FAT3: variants seen among roughly 807,000 people sequenced by gnomAD.
The protein encoded by FAT3 is protocadherin Fat 3.
Under a neutral mutation model 310.2 loss-of-function variants are expected in FAT3, and 95 were observed. That is an observed-to-expected ratio of 0.31 (90% confidence interval 0.26 to 0.36). The LOEUF is 0.36. Among genes scored for constraint, FAT3 ranks in the 10% least tolerant of loss-of-function variants. The probability of loss-of-function intolerance (pLI) is 1.00; values close to 1 mark genes in which losing one functional copy is unlikely to be tolerated. For synonymous variants in FAT3, 2,314 were observed against 2,192.9 expected (o/e 1.06, Z -1.54); for missense variants, 5,408 against 5,715.6 (o/e 0.95, Z 1.74).
At chr11:92,761,384 C>A (rs569122921) in intron 4 of FAT3, among the ~76,000 whole-genome samples, 1 of 152,302 alleles carries the variant, frequency 6.6e-6, no homozygotes, top group African/African-American at 2.4e-5. Flanking sequence ...AATACTATTG[C>A]ATTGGAAATT....
intron 1 of FAT3, among the ~76,000 whole-genome samples, chr11:92,298,268 G>A (rs1046685101): frequency 6.6e-6 from 1 of 152,030 alleles, no homozygotes; most frequent in Non-Finnish European, 1.5e-5. Context: ...TTTCTGTCTT[G>A]GAGAGATAAA....
At chr11:92,840,495 T>G in intron 17 of FAT3, 67 bp from the exon 18 acceptor site, 1 of 1,372,606 alleles carries the variant, frequency 7.3e-7, no homozygotes, top group Admixed American at 2.5e-5. Flanking sequence ...TGTTTTGTTT[T>G]GTTTTAATGA....
chr11:92,243,866 A>G (rs1864774758), intron 1 of FAT3, among the ~76,000 whole-genome samples: 1 of 152,148 alleles, frequency 6.6e-6, no homozygotes, highest in African/African-American at 2.4e-5. Context: ...AAATATTTTA[A>G]AATAGAAAGC....
chr11:92,555,478 C>T (rs1054612741), intron 3 of FAT3, among the ~76,000 whole-genome samples: 3 of 152,030 alleles, frequency 2.0e-5, no homozygotes, highest in Non-Finnish European at 2.9e-5. Flanking sequence ...AGTTTGCGTA[C>T]CTCTAACTCC....
At chr11:92,726,222 T>G (rs1160484019) in intron 4 of FAT3, among the ~76,000 whole-genome samples, 2 of 152,190 alleles carry the variant, frequency 1.3e-5, no homozygotes, top group African/African-American at 4.8e-5. Context: ...AAAGTTCTAC[T>G]GCAGAGTTTT....
chr11:92,617,579 G>T (rs115389689), intron 3 of FAT3, among the ~76,000 whole-genome samples: 1 of 152,108 alleles, frequency 6.6e-6, no homozygotes, highest in Admixed American at 6.6e-5. Flanking sequence ...AGAATTATCA[G>T]GTTTTCTGCT....
At chr11:92,624,487 T>C (rs1298530184) in intron 3 of FAT3, among the ~76,000 whole-genome samples, 1 of 152,148 alleles carries the variant, frequency 6.6e-6, no homozygotes, top group South Asian at 2.1e-4. Context: ...TGTTTGAAAA[T>C]GGACTTGCAA....
intron 3 of FAT3, among the ~76,000 whole-genome samples, chr11:92,570,662 A>T (rs1005567341): frequency 1.3e-5 from 2 of 152,204 alleles, no homozygotes; most frequent in African/African-American, 2.4e-5. Flanking sequence ...TGCCCTGCTT[A>T]ATTTACATTG....
chr11:92,432,951 A>G (rs1950828370), intron 2 of FAT3, among the ~76,000 whole-genome samples: 1 of 152,178 alleles, frequency 6.6e-6, no homozygotes, highest in South Asian at 2.1e-4. Context: ...AGGAATCTAG[A>G]GAGGCAGTCT....
At chr11:92,677,825 A>C (rs191416325) in intron 3 of FAT3, among the ~76,000 whole-genome samples, 2 of 152,342 alleles carry the variant, frequency 1.3e-5, no homozygotes, top group Admixed American at 1.3e-4. Flanking sequence ...AAGCAACAAA[A>C]GCACACATTT....
chr11:92,401,122 C>G (rs942742679), intron 2 of FAT3, among the ~76,000 whole-genome samples: 1 of 152,114 alleles, frequency 6.6e-6, no homozygotes, highest in African/African-American at 2.4e-5. Context: ...ATTTGGTTAC[C>G]TGGAGCAGAA....
intron 3 of FAT3, among the ~76,000 whole-genome samples, chr11:92,531,349 G>A (rs947890638): frequency 5.3e-5 from 8 of 152,096 alleles, no homozygotes; most frequent in African/African-American, 1.9e-4. Context: ...TTGTCATTAT[G>A]TCCCCAGGGA....
intron 2 of FAT3, among the ~76,000 whole-genome samples, chr11:92,514,696 A>G (rs1953417860): frequency 6.6e-6 from 1 of 152,180 alleles, no homozygotes; most frequent in Non-Finnish European, 1.5e-5. Flanking sequence ...AGAGTGAACA[A>G]AGAACCTATA....
chr11:92,835,038 G>A lies in FAT3; in HGVS notation c.10040G>A (p.Ser3347Asn). The change falls in exon 15 of 28, where the codon AGT (serine) becomes AAT (asparagine). Residue 3347 changes from serine to asparagine, a missense_variant. Ser to Asn is a conservative substitution (Grantham distance 46). This residue lies in a region of FAT3 where 4,588 missense variants were observed against 4,809.8 expected (regional missense o/e 0.95). Coordinates refer to ENST00000525166, the MANE Select transcript of FAT3 (RefSeq NM_001367949.2). ...NPPKFSQDVY[S>N]AVISEDALVG... Reference sequence around the variant, plus strand: ...CCCAAGTTCAGCCAAGACGTCTACAGTGCGGTTATCAGTGAAGACGCCTTG... The same window carrying A: ...CCCAAGTTCAGCCAAGACGTCTACAATGCGGTTATCAGTGAAGACGCCTTG... 1 of 1,613,704 alleles carries A rather than the reference G, an allele frequency of 6.2e-7. No homozygotes were observed.
At chr11:92,716,980 A>G (rs971495992) in intron 4 of FAT3, among the ~76,000 whole-genome samples, 4 of 147,358 alleles carry the variant, frequency 2.7e-5, no homozygotes, top group East Asian at 1.9e-4. Flanking sequence ...ATTCTGCCAT[A>G]TATTTGCTGA....
rs112893001 is a variant in FAT3 at position 92,567,941 on chromosome 11, A to C, written c.3607+42993A>C. Among the ~76,000 whole-genome samples, 4 of 152,104 alleles carry C rather than the reference A, an allele frequency of 2.6e-5. 1 individual carries two copies. The highest frequency in any genetic ancestry group is 9.6e-5 in the African/African-American group (4 of 41,504). ...AGCATTGGGAGATACACCTAATGCT[A>C]GATGATGAGCTAGTGGGTGCAGTGC... On this transcript the variant is annotated intron_variant, in intron 3 of 27. Transcript: ENST00000525166.
At chr11:92,433,308 G>A (rs1373678917) in intron 2 of FAT3, among the ~76,000 whole-genome samples, 1 of 152,176 alleles carries the variant, frequency 6.6e-6, no homozygotes, top group African/African-American at 2.4e-5. Flanking sequence ...TGCTAACTCG[G>A]TGTCTGCCCA....
At chr11:92,748,721 T>C (rs534509658) in intron 4 of FAT3, 34 of 152,338 alleles carry the variant, frequency 2.2e-4, no homozygotes, top group African/African-American at 8.2e-4. Flanking sequence ...GTTTATTTCT[T>C]AATACCAAAT....
chr11:92,741,399 C>T (rs1001444078), intron 4 of FAT3, among the ~76,000 whole-genome samples: 7 of 152,116 alleles, frequency 4.6e-5, no homozygotes, highest in African/African-American at 1.7e-4. Context: ...AATACAGGTG[C>T]ATAAGTGATT....
Sources: gnomAD v4.1 joint callset for allele counts (sites outside exome capture counted in the v4.1 genomes callset) on GRCh38, gnomAD v4.1.1 for gene constraint, gnomAD v4.1.1 regional missense constraint, MANE v1.5 for transcripts, NCBI Gene and HGNC (gene_info 2026-07-23, HGNC 2026-07-21) for gene names.